FHIT: variants seen among roughly 807,000 people sequenced by gnomAD.
FHIT encodes the protein bis(5'-adenosyl)-triphosphatase.
A neutral mutation model predicts 17.9 loss-of-function variants in FHIT; 19 were observed. The ratio of observed to expected loss-of-function variants is 1.06; its 90% confidence interval spans 0.74 to 1.56. FHIT has a LOEUF of 1.56. Ranked by LOEUF, FHIT falls within the 40% of genes most tolerant of loss-of-function variation. The pLI is 0.00. For missense variants in FHIT, 248 were observed against 189.2 expected (o/e 1.31, Z -1.82); for synonymous variants, 81 against 69.7 (o/e 1.16, Z -0.81).
intron 5 of FHIT, among the ~76,000 whole-genome samples, chr3:60,252,561 C>T (rs1018103916): frequency 6.7e-6 from 1 of 150,340 alleles, no homozygotes; most frequent in African/African-American, 2.5e-5. Flanking sequence ...AACTCTGCCT[C>T]GAAAAGAAAA....
chr3:60,532,850 A>G (rs1465029590), intron 5 of FHIT, among the ~76,000 whole-genome samples: 2 of 152,218 alleles, frequency 1.3e-5, no homozygotes, highest in Non-Finnish European at 2.9e-5. Flanking sequence ...GTCATAAGAA[A>G]TAAGTGTTGG....
chr3:60,990,890 A>AT (rs1371357275), intron 3 of FHIT, among the ~76,000 whole-genome samples: 1 of 152,074 alleles, frequency 6.6e-6, no homozygotes, highest in African/African-American at 2.4e-5. Context: ...GAAAACATAC[A>AT]TTTTTCCATT....
chr3:59,870,181 C>T (rs1702855166), intron 8 of FHIT, among the ~76,000 whole-genome samples: 1 of 152,206 alleles, frequency 6.6e-6, no homozygotes, highest in Admixed American at 6.5e-5. Flanking sequence ...TCTACCCCTG[C>T]ATCGCGAGCA....
At chr3:59,983,847 T>C (rs925171382) in intron 7 of FHIT, among the ~76,000 whole-genome samples, 2 of 152,090 alleles carry the variant, frequency 1.3e-5, no homozygotes, top group Non-Finnish European at 2.9e-5. Flanking sequence ...CATTCCTGTA[T>C]TACCCCTGTG....
At chr3:60,791,685 C>T (rs375321495) in intron 4 of FHIT, among the ~76,000 whole-genome samples, 83 of 152,300 alleles carry the variant, frequency 5.4e-4, no homozygotes, top group African/African-American at 1.9e-3. Context: ...CAGCACCCAA[C>T]TTGATGAGCT....
At chr3:60,930,121 T>C (rs1181773891) in intron 3 of FHIT, among the ~76,000 whole-genome samples, 1 of 152,028 alleles carries the variant, frequency 6.6e-6, no homozygotes, top group Non-Finnish European at 1.5e-5. Flanking sequence ...GGGAAAGGAT[T>C]CCCTATTTAA....
At position 60,786,166 on chromosome 3, in the gene FHIT, C is replaced by G. The variant is rs572294832; in HGVS notation, c.-18+35753G>C. Among the ~76,000 whole-genome samples the G allele has an allele frequency of 2.6e-5, 4 of 152,272 alleles. No homozygotes were observed. The East Asian group carries it at 7.7e-4, about 29-fold the overall frequency. ...AGCCCTGGGCTGAAGTCCCAGGCGTCCTTCTTCCTAACAACTTGAACTTAG... is the reference window on the plus strand; with the variant it reads ...AGCCCTGGGCTGAAGTCCCAGGCGTGCTTCTTCCTAACAACTTGAACTTAG... On this transcript the variant is annotated intron_variant, in intron 4 of 9. Coordinates refer to ENST00000492590, the MANE Select transcript of FHIT (RefSeq NM_002012.4).
At chr3:60,347,689 G>GGGTTGTT (rs1553750581) in intron 5 of FHIT, among the ~76,000 whole-genome samples, 2 of 85,304 alleles carry the variant, frequency 2.3e-5, no homozygotes, top group African/African-American at 4.5e-5. Flanking sequence ...GGGGGGGGGG[G>GGGTTGTT]TTTGTTTTTT....
Position 60,622,761 on chromosome 3 carries a change from G to C in FHIT, c.-17-85782C>G, listed in dbSNP as rs563240631. Among the ~76,000 whole-genome samples the C allele has an allele frequency of 7.9e-5, 12 of 152,318 alleles. No homozygotes were observed. In the South Asian group the frequency reaches 1.7e-3, roughly 21 times the overall value. On this transcript the variant is annotated intron_variant, in intron 4 of 9. Transcript: ENST00000492590. The stretch of plus-strand genomic sequence containing the variant: ...GAGAAAGCATGCCTGCTTTACGCTA[G>C]AATCGCTCATGAAGTAGAGAATTTG...
At chr3:60,502,882 G>A (rs1490195232) in intron 5 of FHIT, among the ~76,000 whole-genome samples, 1 of 152,148 alleles carries the variant, frequency 6.6e-6, no homozygotes, top group African/African-American at 2.4e-5. Flanking sequence ...AATTCACTTG[G>A]TGAAAGGTTA....
At chr3:60,437,903 T>C (rs1273474649) in intron 5 of FHIT, among the ~76,000 whole-genome samples, 2 of 152,124 alleles carry the variant, frequency 1.3e-5, no homozygotes, top group South Asian at 2.1e-4. Context: ...TTAATAGATA[T>C]CTACACACTT....
intron 8 of FHIT, among the ~76,000 whole-genome samples, chr3:59,829,029 A>C (rs1701074061): frequency 6.6e-6 from 1 of 152,226 alleles, no homozygotes; most frequent in African/African-American, 2.4e-5. Context: ...ACAACCAAAA[A>C]AAAGATAAAA....
intron 4 of FHIT, among the ~76,000 whole-genome samples, chr3:60,579,583 A>G (rs1410550352): frequency 6.6e-6 from 1 of 152,320 alleles, no homozygotes; most frequent in African/African-American, 2.4e-5. Flanking sequence ...ATATAAACAC[A>G]TGTCTATACA....
At chr3:59,907,707 G>T (rs1246703048) in intron 8 of FHIT, among the ~76,000 whole-genome samples, 2 of 152,180 alleles carry the variant, frequency 1.3e-5, no homozygotes. Flanking sequence ...TTTTCTATTT[G>T]CTACTATAAC....
At chr3:60,288,969 C>T (rs957989147) in intron 5 of FHIT, among the ~76,000 whole-genome samples, 2 of 152,036 alleles carry the variant, frequency 1.3e-5, no homozygotes, top group African/African-American at 2.4e-5. Flanking sequence ...TGGTCTTTTG[C>T]CTATATTCAC....
At chr3:61,234,160 A>G (rs1306611880) in intron 1 of FHIT, among the ~76,000 whole-genome samples, 1 of 152,196 alleles carries the variant, frequency 6.6e-6, no homozygotes, top group African/African-American at 2.4e-5. Flanking sequence ...CCTGGGAAGT[A>G]GAGCCCAGGA....
chr3:60,035,597 T>A (rs1002320510), intron 5 of FHIT, among the ~76,000 whole-genome samples: 1 of 152,116 alleles, frequency 6.6e-6, no homozygotes, highest in Non-Finnish European at 1.5e-5. Flanking sequence ...ACTTTCAGTT[T>A]GGGGGTAGAA....
chr3:60,862,340 A>G (rs1387075682), intron 3 of FHIT, among the ~76,000 whole-genome samples: 2 of 151,420 alleles, frequency 1.3e-5, no homozygotes, highest in Non-Finnish European at 2.9e-5. Flanking sequence ...TAATTTTTGT[A>G]TTTTTTTTAT....
At chr3:61,212,396 G>C (rs1337849820) in intron 1 of FHIT, among the ~76,000 whole-genome samples, 1 of 152,170 alleles carries the variant, frequency 6.6e-6, no homozygotes, top group East Asian at 1.9e-4. Context: ...GGAAGAAAGG[G>C]TATCAATGAT....
Sources: allele counts gnomAD v4.1 joint callset (sites outside exome capture counted in the v4.1 genomes callset), GRCh38; gene constraint gnomAD v4.1.1; transcripts MANE v1.5; gene names NCBI Gene and HGNC (gene_info 2026-07-23, HGNC 2026-07-21).